Variants in MAP4K4 observed in about 807,000 individuals in gnomAD.
MAP4K4 encodes HPK/GCK-like kinase HGK.
Under a neutral mutation model 189.6 loss-of-function variants are expected in MAP4K4, and 38 were observed. That is an observed-to-expected ratio of 0.20 (90% CI 0.15 to 0.26). The LOEUF (loss-of-function observed/expected upper bound fraction) is 0.26, where lower values mean the gene tolerates loss of function less well. MAP4K4 is among the 10% of genes least tolerant of loss of function. The probability of loss-of-function intolerance (pLI) is 1.00; values close to 1 mark genes in which losing one functional copy is unlikely to be tolerated. For synonymous variants in MAP4K4, 610 were observed against 624.3 expected (o/e 0.98, Z 0.34); for missense variants, 1,054 against 1,726.9 (o/e 0.61, Z 6.91).
intron 12 of MAP4K4, among the ~76,000 whole-genome samples, chr2:101,851,168 A>G (rs1576753165): frequency 6.6e-6 from 1 of 152,240 alleles, no homozygotes; most frequent in South Asian, 2.1e-4. Flanking sequence ...GGACAAGTAC[A>G]TATTTACTTA....
At chr2:101,855,029 C>G (rs889107824) in intron 12 of MAP4K4, among the ~76,000 whole-genome samples, 1 of 152,118 alleles carries the variant, frequency 6.6e-6, no homozygotes, top group Non-Finnish European at 1.5e-5. Flanking sequence ...TTTTATTATC[C>G]CAGAGAGTCC....
chr2:101,792,597 T>TCTC (rs60472010), intron 3 of MAP4K4, among the ~76,000 whole-genome samples: 38,725 of 144,744 alleles, frequency 0.27, 5,781 homozygotes, highest in East Asian at 0.45. Context: ...TTCTCCTCCT[T>TCTC]CTCCTCCTCC....
chr2:101,761,417 A>G (rs2076332296), intron 2 of MAP4K4, among the ~76,000 whole-genome samples: 1 of 152,100 alleles, frequency 6.6e-6, no homozygotes, highest in Non-Finnish European at 1.5e-5. Context: ...CATCTAGCAT[A>G]CATCAGTTTG....
chr2:101,808,304 C>T (rs1409286435), intron 3 of MAP4K4, among the ~76,000 whole-genome samples: 4 of 152,162 alleles, frequency 2.6e-5, no homozygotes, highest in Non-Finnish European at 5.9e-5. Context: ...AGGGACCCTG[C>T]GTCTTCCTTA....
At chr2:101,832,401 A>G (rs948986093) in intron 7 of MAP4K4, among the ~76,000 whole-genome samples, 2 of 152,236 alleles carry the variant, frequency 1.3e-5, no homozygotes, top group African/African-American at 2.4e-5. Flanking sequence ...TTAAAAATCC[A>G]TGCCTTAATT....
chr2:101,814,808 A>G (rs906833069), intron 3 of MAP4K4, among the ~76,000 whole-genome samples: 1 of 152,210 alleles, frequency 6.6e-6, no homozygotes, highest in Non-Finnish European at 1.5e-5. Context: ...AAACATATGA[A>G]AATAATACAT....
At chr2:101,773,232 C>A (rs1220580003) in intron 2 of MAP4K4, among the ~76,000 whole-genome samples, 1 of 152,176 alleles carries the variant, frequency 6.6e-6, no homozygotes, top group African/African-American at 2.4e-5. Flanking sequence ...CTGAATCAAC[C>A]TTTTTGCTTG....
At chr2:101,878,097 A>G (rs1007194426) in intron 27 of MAP4K4, among the ~76,000 whole-genome samples, 2 of 152,190 alleles carry the variant, frequency 1.3e-5, no homozygotes, top group Non-Finnish European at 2.9e-5. Context: ...TAAATTGTGT[A>G]ATATAAACTA....
intron 2 of MAP4K4, among the ~76,000 whole-genome samples, chr2:101,746,577 T>C (rs1487400285): frequency 2.0e-5 from 3 of 152,162 alleles, no homozygotes; most frequent in Non-Finnish European, 4.4e-5. Context: ...GGATTACTTT[T>C]CTTATTGTAG....
At chr2:101,751,259 A>C (rs150483078) in intron 2 of MAP4K4, among the ~76,000 whole-genome samples, 67 of 152,356 alleles carry the variant, frequency 4.4e-4, no homozygotes, top group Admixed American at 1.1e-3. Flanking sequence ...CACTGAAGAA[A>C]CTGGTAAACG....
chr2:101,774,997 T>G (rs910304588), intron 2 of MAP4K4, among the ~76,000 whole-genome samples: 1 of 151,844 alleles, frequency 6.6e-6, no homozygotes, highest in East Asian at 1.9e-4. Context: ...CCATTTTGTT[T>G]ATCAATCTCA....
rs760821043 is a variant in MAP4K4, at chr2:101,859,114, A to C, written c.1482+32A>C. On this transcript the variant is annotated intron_variant, in intron 14 of 32. Transcript: ENST00000324219. ...CCCCGCCTCTGTTTCATTCTGTAGCATCAGGGCTCCTTCATCCGTCCCCAA... is the reference window on the plus strand; with the variant it reads ...CCCCGCCTCTGTTTCATTCTGTAGCCTCAGGGCTCCTTCATCCGTCCCCAA... The C allele has an allele frequency of 8.9e-6, 14 of 1,579,602 alleles. No individual in the cohort carries two copies. In the African/African-American group the frequency reaches 1.6e-4, roughly 18 times the overall value.
At chr2:101,720,887 ATT>A (rs2051495341) in intron 2 of MAP4K4, among the ~76,000 whole-genome samples, 1 of 152,138 alleles carries the variant, frequency 6.6e-6, no homozygotes, top group Non-Finnish European at 1.5e-5. Flanking sequence ...CATATTTTGC[ATT>A]TTGTTGCATC....
At chr2:101,877,091 A>G (rs1264897890) in exon 27 of MAP4K4, 2 of 1,613,996 alleles carry the variant, frequency 1.2e-6, no homozygotes, top group South Asian at 2.2e-5. Flanking sequence ...TCAACCGAAG[A>G]CGATTTCAAC....
intron 24 of MAP4K4, among the ~76,000 whole-genome samples, chr2:101,872,664 AC>A (rs2150065306): frequency 6.6e-6 from 1 of 152,206 alleles, no homozygotes; most frequent in South Asian, 2.1e-4. Flanking sequence ...CTGGCTCCTG[AC>A]TCATGGGACA....
chr2:101,785,802 T>TC (rs2090843275), intron 2 of MAP4K4, among the ~76,000 whole-genome samples: 2 of 12,470 alleles, frequency 1.6e-4, no homozygotes, highest in East Asian at 1.6e-3. Context: ...CTCTTCTTTC[T>TC]TTCTCTTCTT....
intron 29 of MAP4K4, among the ~76,000 whole-genome samples, chr2:101,886,686 C>T (rs908963337): frequency 2.6e-5 from 4 of 152,098 alleles, no homozygotes; most frequent in Non-Finnish European, 5.9e-5. Flanking sequence ...CGGTTGTTGC[C>T]AGTGTGGCTC....
intron 3 of MAP4K4, among the ~76,000 whole-genome samples, chr2:101,813,167 C>T (rs1427282149): frequency 6.6e-6 from 1 of 152,150 alleles, no homozygotes; most frequent in Non-Finnish European, 1.5e-5. Context: ...ATATTATTGA[C>T]TTCCACTATG....
In MAP4K4 at chr2:101,842,540, A is replaced by G. The variant is rs115563932; in HGVS notation, c.950-69A>G. 334 of 1,112,702 alleles carry G rather than the reference A, an allele frequency of 3.0e-4. No individual in the cohort carries two copies. The African/African-American group carries it at 4.7e-3, about 16-fold the overall frequency. The allele number at this position is 1,112,702 out of a possible 1,614,324, so 68.9% of individuals were successfully genotyped here. A position where few individuals can be genotyped will look rare whatever the true frequency, so the allele number is the denominator to read the frequency against. Reference sequence around the variant, plus strand: ...ATTTTCTGCCAAGGTGCTCCTGCAGATGCTTGTCTGAACAGGCGTGTGTCA... The same window carrying G: ...ATTTTCTGCCAAGGTGCTCCTGCAGGTGCTTGTCTGAACAGGCGTGTGTCA... On this transcript the variant is annotated intron_variant, in intron 10 of 32. Coordinates refer to ENST00000324219, the Ensembl canonical transcript of MAP4K4.
Sources: gnomAD v4.1 joint callset for allele counts (sites outside exome capture counted in the v4.1 genomes callset) on GRCh38, gnomAD v4.1.1 for gene constraint, MANE v1.5 for transcripts, NCBI Gene and HGNC (gene_info 2026-07-23, HGNC 2026-07-21) for gene names.